GULP1: variants seen among roughly 807,000 people sequenced by gnomAD.
GULP1 encodes the protein PTB domain-containing engulfment adapter protein 1.
GULP1 carries 19 observed loss-of-function variants against 40.9 expected under a neutral mutation model. The ratio of observed to expected loss-of-function variants is 0.46; its 90% CI spans 0.32 to 0.68. The LOEUF (loss-of-function observed/expected upper bound fraction) is 0.68, where lower values mean the gene tolerates loss of function less well. Among genes scored for constraint, GULP1 ranks in the 30% least tolerant of loss-of-function variants. GULP1 has a pLI of 0.03. For synonymous variants in GULP1, 119 were observed against 117.6 expected, an observed-to-expected ratio of 1.01 and a Z score of -0.08; for missense variants, 312 against 362.2, an observed-to-expected ratio of 0.86 and a Z score of 1.12.
chr2:188,351,342 T>C (rs1211649647), intron 1 of GULP1, among the ~76,000 whole-genome samples: 1 of 152,116 alleles, frequency 6.6e-6, no homozygotes, highest in Non-Finnish European at 1.5e-5. Flanking sequence ...ACTTGTTCAA[T>C]GTCCCAAAGC....
intron 3 of GULP1, among the ~76,000 whole-genome samples, chr2:188,482,485 A>C (rs1575527774): frequency 6.6e-6 from 1 of 151,946 alleles, no homozygotes; most frequent in Middle Eastern, 3.4e-3. Flanking sequence ...GTGAAAAATA[A>C]GATACGTACA....
intron 1 of GULP1, among the ~76,000 whole-genome samples, chr2:188,358,508 A>G (rs1448728061): frequency 1.3e-5 from 2 of 152,194 alleles, no homozygotes; most frequent in African/African-American, 4.8e-5. Context: ...TACCAACATT[A>G]AGAGTTGGTA....
intron 2 of GULP1, among the ~76,000 whole-genome samples, chr2:188,451,985 A>G (rs550624576): frequency 2.6e-5 from 4 of 152,206 alleles, no homozygotes; most frequent in Non-Finnish European, 5.9e-5. Context: ...AAACATAAAG[A>G]TGTGCAGAAT....
chr2:188,579,148 G>A (rs1415202526), intron 9 of GULP1, among the ~76,000 whole-genome samples: 1 of 152,048 alleles, frequency 6.6e-6, no homozygotes, highest in Non-Finnish European at 1.5e-5. Context: ...ATTGCTTCTA[G>A]GTTAGGAATC....
At chr2:188,466,634 A>G (rs567479646) in intron 2 of GULP1, 1 of 152,068 alleles carries the variant, frequency 6.6e-6, no homozygotes, top group South Asian at 2.1e-4. Flanking sequence ...TAAATTTGGC[A>G]TGCTTTTAGG....
At chr2:188,365,701 C>T (rs995365988) in intron 1 of GULP1, among the ~76,000 whole-genome samples, 1 of 152,080 alleles carries the variant, frequency 6.6e-6, no homozygotes, top group Non-Finnish European at 1.5e-5. Flanking sequence ...ATAGTCCAGG[C>T]CTGAGAAGTA....
At chr2:188,480,117 G>A (rs1026959105) in intron 3 of GULP1, among the ~76,000 whole-genome samples, 5 of 151,918 alleles carry the variant, frequency 3.3e-5, no homozygotes, top group East Asian at 1.9e-4. Flanking sequence ...AAGAGCCCCC[G>A]CTCCTGGTTT....
At chr2:188,468,225 A>G (rs2060289008) in intron 2 of GULP1, among the ~76,000 whole-genome samples, 1 of 152,118 alleles carries the variant, frequency 6.6e-6, no homozygotes, top group Non-Finnish European at 1.5e-5. Flanking sequence ...CTTTGATGAA[A>G]TTATTCATTG....
intron 2 of GULP1, among the ~76,000 whole-genome samples, chr2:188,422,237 T>G (rs1257562355): frequency 3.3e-5 from 5 of 151,736 alleles, no homozygotes; most frequent in Admixed American, 3.3e-4. Context: ...AGATTCATAA[T>G]TTTTTAAAAG....
At chr2:188,414,231 A>AAAAAAG (rs2054285277) in intron 2 of GULP1, among the ~76,000 whole-genome samples, 1 of 149,068 alleles carries the variant, frequency 6.7e-6, no homozygotes. Context: ...AAAAAAAAAA[A>AAAAAAG]AAAAAGAAAA....
chr2:188,485,880 A>G (rs2061822218), intron 4 of GULP1, among the ~76,000 whole-genome samples: 1 of 152,026 alleles, frequency 6.6e-6, no homozygotes, highest in Non-Finnish European at 1.5e-5. Flanking sequence ...CATTCAATTC[A>G]CTGGATCTGG....
intron 1 of GULP1, among the ~76,000 whole-genome samples, chr2:188,317,951 A>G (rs1263241988): frequency 3.9e-5 from 6 of 152,014 alleles, no homozygotes; most frequent in Non-Finnish European, 8.8e-5. Context: ...TTCATTTTTG[A>G]TACCTTGGCA....
intron 2 of GULP1, among the ~76,000 whole-genome samples, chr2:188,429,088 A>T (rs141085285): frequency 6.6e-6 from 1 of 152,164 alleles, no homozygotes; most frequent in Non-Finnish European, 1.5e-5. Flanking sequence ...ATGGTTTTGT[A>T]TACAGGCCTG....
At chr2:188,475,882 T>TG (rs2153030836) in intron 2 of GULP1, among the ~76,000 whole-genome samples, 1 of 152,032 alleles carries the variant, frequency 6.6e-6, no homozygotes, top group South Asian at 2.1e-4. Flanking sequence ...TTAAGGGTTT[T>TG]GAAAAAAAAG....
chr2:188,427,886 C>A (rs2056407815), intron 2 of GULP1, among the ~76,000 whole-genome samples: 1 of 152,176 alleles, frequency 6.6e-6, no homozygotes, highest in Admixed American at 6.5e-5. Context: ...ATGGTAGATA[C>A]AATGGCAGCT....
intron 7 of GULP1, among the ~76,000 whole-genome samples, chr2:188,565,022 C>T (rs1439351562): frequency 6.6e-6 from 1 of 151,792 alleles, no homozygotes; most frequent in Non-Finnish European, 1.5e-5. Context: ...AAATTATCTC[C>T]TACTTACGCT....
At chr2:188,515,955 T>C (rs1247160800) in intron 4 of GULP1, among the ~76,000 whole-genome samples, 1 of 152,172 alleles carries the variant, frequency 6.6e-6, no homozygotes, top group Non-Finnish European at 1.5e-5. Context: ...AAATTTATAA[T>C]GAAAAAATTA....
intron 1 of GULP1, among the ~76,000 whole-genome samples, chr2:188,325,020 C>T (rs2040547810): frequency 1.3e-5 from 2 of 151,886 alleles, no homozygotes; most frequent in African/African-American, 4.8e-5. Flanking sequence ...TATTTTCAGA[C>T]ACATACACAC....
chr2:188,584,187 T>A, intron 9 of GULP1, 78 bp from the exon 10 acceptor site: 1 of 954,518 alleles, frequency 1.0e-6, no homozygotes, highest in Non-Finnish European at 1.6e-6. Flanking sequence ...TTACATATAT[T>A]TTATATGCAT....
Sources: allele counts gnomAD v4.1 joint callset (sites outside exome capture counted in the v4.1 genomes callset), GRCh38; gene constraint gnomAD v4.1.1; transcripts MANE v1.5; gene names NCBI Gene and HGNC (gene_info 2026-07-23, HGNC 2026-07-21).